The following CATSPERB variants were observed in gnomAD, a reference collection of about 807,000 sequenced individuals.
CATSPERB encodes cation channel sperm-associated auxiliary subunit beta.
In CATSPERB, 93 loss-of-function variants were observed where a neutral mutation model predicts 128.3. The observed-to-expected ratio is 0.72, with a 90% CI of 0.61 to 0.86. CATSPERB has a LOEUF of 0.86. Among genes scored for constraint, CATSPERB ranks in the 40% least tolerant of loss-of-function variants. The pLI is 0.00. For missense variants in CATSPERB, 1,153 were observed against 1,329.5 expected (o/e 0.87, Z 2.06); for synonymous variants, 381 against 448.8 (o/e 0.85, Z 1.91).
chr14:91,682,455 G>A (rs2175250), intron 11 of CATSPERB, among the ~76,000 whole-genome samples: 1 of 152,134 alleles, frequency 6.6e-6, no homozygotes, highest in Non-Finnish European at 1.5e-5. Context: ...ACCTCCCCAG[G>A]AATGTAATCA....
At chr14:91,664,626 A>C (rs1225366484) in intron 14 of CATSPERB, among the ~76,000 whole-genome samples, 1 of 152,120 alleles carries the variant, frequency 6.6e-6, no homozygotes, top group Non-Finnish European at 1.5e-5. Flanking sequence ...TACCAAGTTT[A>C]TTTGTCCATT....
chr14:91,641,238 T>G (rs1262752533), intron 15 of CATSPERB, among the ~76,000 whole-genome samples: 4 of 150,754 alleles, frequency 2.7e-5, no homozygotes, highest in Admixed American at 1.3e-4. Flanking sequence ...CTCTTTAGTT[T>G]AATTAGATCC....
At chr14:91,696,719 A>G (rs1251148684) in intron 7 of CATSPERB, among the ~76,000 whole-genome samples, 1 of 152,176 alleles carries the variant, frequency 6.6e-6, no homozygotes, top group African/African-American at 2.4e-5. Flanking sequence ...GAAGAGTATG[A>G]TGATGTTGGA....
chr14:91,605,617 T>C (rs1893686602), intron 22 of CATSPERB, among the ~76,000 whole-genome samples: 1 of 152,194 alleles, frequency 6.6e-6, no homozygotes. Flanking sequence ...GCTCATTATG[T>C]TCCAGGCTGA....
At chr14:91,593,768 G>A (rs910614157) in intron 22 of CATSPERB, among the ~76,000 whole-genome samples, 4 of 152,168 alleles carry the variant, frequency 2.6e-5, no homozygotes, top group African/African-American at 9.7e-5. Context: ...GTTTTAAAAT[G>A]TGAGGACATG....
rs571255716 is a variant in CATSPERB at position 91,585,298 on chromosome 14, A to G, written c.3132+1904T>C. ...CCAAAGTGCTGGGATTTTTTTCCCC[A>G]TACCAGTCTTTTTCTCCTCTCCTTC... is the stretch of plus-strand genomic sequence containing the variant. On this transcript the variant is annotated intron_variant, in intron 26 of 26. Transcript: ENST00000256343. Among the ~76,000 whole-genome samples the G allele has an allele frequency of 2.2e-4, 34 of 152,254 alleles. 1 individual carries two copies. Among genetic ancestry groups the G allele is most frequent in the Non-Finnish European group, 4.0e-4 (27 of 68,018 alleles).
intron 11 of CATSPERB, among the ~76,000 whole-genome samples, chr14:91,677,021 T>C (rs1348709510): frequency 2.6e-5 from 4 of 152,210 alleles, no homozygotes; most frequent in Non-Finnish European, 5.9e-5. Flanking sequence ...GCTAGCCATA[T>C]GCAGAAAACT....
intron 10 of CATSPERB, among the ~76,000 whole-genome samples, chr14:91,684,700 C>T (rs1400186910): frequency 6.6e-6 from 1 of 150,742 alleles, no homozygotes; most frequent in African/African-American, 2.4e-5. Context: ...CTACAAACTC[C>T]ACCTCTCAGG....
chr14:91,608,040 C>T (rs1893745950), intron 22 of CATSPERB, among the ~76,000 whole-genome samples: 1 of 152,120 alleles, frequency 6.6e-6, no homozygotes, highest in South Asian at 2.1e-4. Flanking sequence ...TGCTCTCACC[C>T]CATCAATGAA....
Position 91,729,387 on chromosome 14 carries a change from G to A in CATSPERB, c.79+14C>T. On this transcript the variant is annotated intron_variant, in intron 2 of 26. Coordinates refer to ENST00000256343, the MANE Select transcript of CATSPERB (RefSeq NM_024764.4). ...CTGAGAAGGAAATAGAGAGTAAGAT[G>A]GTCTGAAACTTACCTTTATTATATA... The A allele has an allele frequency of 1.7e-6, 2 of 1,190,496 alleles. No homozygotes were observed. Among genetic ancestry groups the A allele is most frequent in the South Asian group, 1.5e-5 (1 of 65,506 alleles). 73.7% of individuals were successfully genotyped at this position (1,190,496 alleles called of 1,614,324 possible). A position where few individuals can be genotyped will look rare whatever the true frequency, so the allele number is the denominator to read the frequency against.
Position 91,621,904 on chromosome 14 carries a change from T to C in CATSPERB, c.1964A>G (p.Glu655Gly). 1.2e-6 allele frequency: 2 copies of C among 1,609,024 alleles called. No individual in the cohort carries two copies. Among genetic ancestry groups the C allele is most frequent in the Non-Finnish European group, 1.7e-6 (2 of 1,177,436 alleles). ...GTACCCGGGAAGCACTACAGTCTTC[T>C]CTATATCTGTATCTTCAAACAAGGC... The part of the protein sequence containing the change: ...VQALFEDTDI[E>G]KTVVLPGYSS... Residue 655 changes from glutamate (E) to glycine (G), a missense_variant, in exon 19 of 27, where the codon GAG becomes GGG. Physicochemically the swap from Glu to Gly is moderately conservative, Grantham distance 98. Coordinates refer to ENST00000256343, the MANE Select transcript of CATSPERB (RefSeq NM_024764.4).
intron 1 of CATSPERB, among the ~76,000 whole-genome samples, chr14:91,731,688 C>A (rs1437019898): frequency 6.6e-6 from 1 of 152,258 alleles, no homozygotes; most frequent in East Asian, 1.9e-4. Context: ...AGTTAAATTA[C>A]CCCCAGTTAT....
At chr14:91,648,646 A>G (rs1019017026) in intron 15 of CATSPERB, among the ~76,000 whole-genome samples, 1 of 152,166 alleles carries the variant, frequency 6.6e-6, no homozygotes, top group Admixed American at 6.6e-5. Context: ...TATCACAGAA[A>G]GAACTTTGTT....
chr14:91,619,286 T>C (rs1436754074), intron 19 of CATSPERB, among the ~76,000 whole-genome samples: 22 of 152,040 alleles, frequency 1.4e-4, no homozygotes, highest in Admixed American at 1.4e-3. Context: ...ATACATAATA[T>C]ACCAAAATAA....
rs766995599 is a variant in CATSPERB, at chr14:91,591,951, T to C, written c.2761A>G (p.Asn921Asp). The change falls in exon 23 of 27, where the codon AAC becomes GAC. Residue 921 changes from asparagine to aspartate, a missense_variant. By Grantham distance (23) the Asn-to-Asp change is conservative. Transcript: ENST00000256343. ...GAAAACTTCTGATCCTTTGTGCAGTTACACTCCTCCCGAGTGGAAACATTA... is the reference window on the plus strand; with the variant it reads ...GAAAACTTCTGATCCTTTGTGCAGTCACACTCCTCCCGAGTGGAAACATTA... ...CANVSTREEC[N>D]CTKDQKFSHA... The C allele has an allele frequency of 1.2e-6, 2 of 1,614,160 alleles. No homozygotes were observed. Among genetic ancestry groups the C allele is most frequent in the Non-Finnish European group, 1.7e-6 (2 of 1,180,002 alleles).
At chr14:91,710,177 CAGT>C (rs1259434573) in intron 5 of CATSPERB, 8 of 152,440 alleles carry the variant, frequency 5.2e-5, no homozygotes, top group African/African-American at 1.9e-4. Context: ...ACGAGAACAA[CAGT>C]AGCACTCCAT....
At chr14:91,694,540 C>T (rs1403237507) in intron 7 of CATSPERB, among the ~76,000 whole-genome samples, 1 of 151,180 alleles carries the variant, frequency 6.6e-6, no homozygotes, top group Non-Finnish European at 1.5e-5. Context: ...AATTTTTCCT[C>T]CCTAACAGTA....
intron 7 of CATSPERB, among the ~76,000 whole-genome samples, chr14:91,703,400 T>C (rs1895682706): frequency 6.6e-6 from 1 of 152,200 alleles, no homozygotes; most frequent in South Asian, 2.1e-4. Context: ...CCCCAGTTCC[T>C]GATACAGAAC....
chr14:91,722,981 TA>T (rs1384399678), intron 4 of CATSPERB, 67 bp downstream of exon 4: 1 of 1,228,412 alleles, frequency 8.1e-7, no homozygotes, highest in Non-Finnish European at 1.1e-6. Context: ...TTTTAAAAAA[TA>T]CATCCTATAA....
Sources: allele counts gnomAD v4.1 joint callset (sites outside exome capture counted in the v4.1 genomes callset), GRCh38; gene constraint gnomAD v4.1.1; transcripts MANE v1.5; gene names NCBI Gene and HGNC (gene_info 2026-07-23, HGNC 2026-07-21).